Variants in PIEZO2 observed in about 807,000 individuals in gnomAD.
PIEZO2 encodes the protein piezo type mechanosensitive ion channel component 2.
Under a neutral mutation model 337.3 loss-of-function variants are expected in PIEZO2, and 172 were observed. The observed-to-expected ratio is 0.51, with a 90% confidence interval of 0.45 to 0.58. The LOEUF is 0.58. Ranked by LOEUF, PIEZO2 falls within the 20% of genes least tolerant of loss-of-function variation. The probability of loss-of-function intolerance (pLI) is 0.00; values close to 1 mark genes in which losing one functional copy is unlikely to be tolerated. For missense variants in PIEZO2, 3,028 were observed against 3,391.3 expected (o/e 0.89, Z 2.66); for synonymous variants, 1,251 against 1,228.5 (o/e 1.02, Z -0.38).
At chr18:10,699,615 T>C (rs1178784823) in intron 43 of PIEZO2, among the ~76,000 whole-genome samples, 1 of 152,214 alleles carries the variant, frequency 6.6e-6, no homozygotes, top group African/African-American at 2.4e-5. Flanking sequence ...CAGGTATGTC[T>C]TTATCAGCAG....
chr18:10,874,265 G>C (rs1430065234), intron 4 of PIEZO2, among the ~76,000 whole-genome samples: 1 of 151,894 alleles, frequency 6.6e-6, no homozygotes, highest in Non-Finnish European at 1.5e-5. Flanking sequence ...ACCACAACGA[G>C]TTATCCTCTC....
chr18:10,808,907 C>CG (rs1316339938), intron 7 of PIEZO2, among the ~76,000 whole-genome samples: 6 of 152,218 alleles, frequency 3.9e-5, no homozygotes, highest in African/African-American at 1.2e-4. Context: ...CCTTGCTCCA[C>CG]GCCTGGCACA....
At position 11,002,701 on chromosome 18, in the gene PIEZO2, C is replaced by T. The variant is rs1227565875; in HGVS notation, c.161-23041G>A. ...GTTTTACTGGCGGCGGCGGGGAACA[C>T]ATTCAGGCAGAGATGTGTTAGTTCA... is the stretch of plus-strand genomic sequence containing the variant. On this transcript the variant is annotated intron_variant, in intron 2 of 55. Coordinates refer to ENST00000674853, the MANE Select transcript of PIEZO2 (RefSeq NM_001378183.1). The surrounding 1 kb of genome is among the most constrained non-coding windows in gnomAD (Gnocchi z 4.3). Among the ~76,000 whole-genome samples, 1 of 152,194 alleles carries T rather than the reference C, an allele frequency of 6.6e-6. No individual in the cohort carries two copies. Among genetic ancestry groups the T allele is most frequent in the African/African-American group, 2.4e-5 (1 of 41,456 alleles).
rs544885565 is a variant in PIEZO2, at chr18:11,020,300, T to C, written c.161-40640A>G. 2.6e-5 allele frequency among the ~76,000 whole-genome samples: 4 copies of C among 152,316 alleles called. No homozygotes were observed. The East Asian group carries it at 7.7e-4, about 29-fold the overall frequency. On this transcript the variant is annotated intron_variant, in intron 2 of 55. Transcript: ENST00000674853. ...GTCCATTAACATCTCAGAATCACTA[T>C]CCTAGCTCAAAGCCTCTGATGCTCT...
chr18:10,711,845 G>C (rs2035832969), intron 39 of PIEZO2, among the ~76,000 whole-genome samples: 1 of 152,302 alleles, frequency 6.6e-6, no homozygotes, highest in African/African-American at 2.4e-5. Context: ...CACTAGAGCT[G>C]TCTGAGCCTT....
chr18:10,892,680 C>A lies in PIEZO2; in HGVS notation c.329+18506G>T, dbSNP rs926165278. 2.0e-5 allele frequency among the ~76,000 whole-genome samples: 3 copies of A among 150,220 alleles called. No homozygotes were observed. In the Admixed American group the frequency reaches 2.0e-4, roughly 10 times the overall value. On this transcript the variant is annotated intron_variant, in intron 4 of 55. Transcript: ENST00000674853. ...GGAGAGAGAAAGATGGGGAGAGGGG[C>A]GGGGGTGAGGGAAGCACAGAAGCAA...
Position 10,872,017 on chromosome 18 carries a change from CTTCTCACAGCCATCTGT to C in PIEZO2, c.330-619_330-603del, listed in dbSNP as rs1458285710. Among the ~76,000 whole-genome samples, 1 of 152,198 alleles carries C rather than the reference CTTCTCACAGCCATCTGT, an allele frequency of 6.6e-6. No homozygotes were observed. The highest frequency in any genetic ancestry group is 1.5e-5 in the Non-Finnish European group (1 of 68,036). On this transcript the variant is annotated intron_variant, in intron 4 of 55. Transcript: ENST00000674853. The surrounding 1 kb of genome is among the most constrained non-coding windows in gnomAD (Gnocchi z 4.3). ...CTTAGTAGTTGCATCCTGCTGGGGG[CTTCTCACAGCCATCTGT>C]TCTGCTGTGCTGAGGAAGTAATACT...
intron 2 of PIEZO2, among the ~76,000 whole-genome samples, chr18:11,054,897 C>T (rs1339888271): frequency 6.6e-6 from 1 of 152,112 alleles, no homozygotes; most frequent in Non-Finnish European, 1.5e-5. Flanking sequence ...AGGGCAGAAG[C>T]ACTGGGGACT....
intron 1 of PIEZO2, among the ~76,000 whole-genome samples, chr18:11,140,360 T>A (rs1391570552): frequency 6.6e-6 from 1 of 152,216 alleles, no homozygotes; most frequent in Non-Finnish European, 1.5e-5. Flanking sequence ...TTTTGGTGCC[T>A]GTTTCCGCCA....
intron 3 of PIEZO2, among the ~76,000 whole-genome samples, chr18:10,917,774 CA>C (rs566461610): frequency 6.6e-6 from 1 of 152,252 alleles, no homozygotes; most frequent in African/African-American, 2.4e-5. Flanking sequence ...GAAATATTTT[CA>C]CATACTGTAG....
chr18:11,023,714 G>T (rs1192831669), intron 2 of PIEZO2, among the ~76,000 whole-genome samples: 2 of 152,214 alleles, frequency 1.3e-5, no homozygotes, highest in African/African-American at 4.8e-5. Context: ...GCTCGTCCGG[G>T]AGGCTAGGGC....
At chr18:11,108,423 G>T (rs1035829287) in intron 1 of PIEZO2, among the ~76,000 whole-genome samples, 5 of 151,198 alleles carry the variant, frequency 3.3e-5, no homozygotes, top group Non-Finnish European at 5.9e-5. Context: ...AGACCATCCT[G>T]GCTAACACGG....
rs567774277 is a variant in PIEZO2 at position 11,070,289 on chromosome 18, G to A, written c.65-4067C>T. 4.9e-4 allele frequency among the ~76,000 whole-genome samples: 75 copies of A among 152,188 alleles called. No individual in the cohort carries two copies. The highest frequency in any genetic ancestry group is 1.7e-3 in the African/African-American group (71 of 41,510). On this transcript the variant is annotated intron_variant, in intron 1 of 55. Transcript: ENST00000674853. The surrounding 1 kb of genome is among the most constrained non-coding windows in gnomAD (Gnocchi z 4.3). ...TACAGAAAAAGTACAGTAAAAATAC[G>A]GCACTATAATCTTAGGGGACCAACC...
Position 10,670,719 on chromosome 18 carries a change from G to C in PIEZO2, c.*808C>G, listed in dbSNP as rs1366182556. 2.6e-5 allele frequency: 4 copies of C among 152,690 alleles called. No individual in the cohort carries two copies. The highest frequency in any genetic ancestry group is 3.4e-3 in the Middle Eastern group (1 of 294). 9.5% of individuals were successfully genotyped at this position (152,690 alleles called of 1,614,324 possible). A position where few individuals can be genotyped will look rare whatever the true frequency, so the allele number is the denominator to read the frequency against. On this transcript the variant is annotated 3_prime_UTR_variant, in exon 56 of 56. Coordinates refer to ENST00000674853, the MANE Select transcript of PIEZO2 (RefSeq NM_001378183.1). The stretch of plus-strand genomic sequence containing the variant: ...TTACAAAGTATTCTAGGTCCCACTG[G>C]GTTGGTCTTTTTACTCTTCTGCCTC...
chr18:10,982,021 C>T lies in PIEZO2; in HGVS notation c.161-2361G>A, dbSNP rs2034685405. ...CTCCAAGCCCACAATCCAAATACCT[C>T]CCATCAGGCCCCACCTTTAGCATTG... On this transcript the variant is annotated intron_variant, in intron 2 of 55. Coordinates refer to ENST00000674853, the MANE Select transcript of PIEZO2 (RefSeq NM_001378183.1). This position sits in a 1 kb window ranked among gnomAD's most constrained non-coding sequence, Gnocchi z 4.1. Among the ~76,000 whole-genome samples, 1 of 152,172 alleles carries T rather than the reference C, an allele frequency of 6.6e-6. No individual in the cohort carries two copies. Among genetic ancestry groups the T allele is most frequent in the Non-Finnish European group, 1.5e-5 (1 of 68,038 alleles).
intron 4 of PIEZO2, among the ~76,000 whole-genome samples, chr18:10,900,046 A>C (rs907148767): frequency 6.6e-6 from 1 of 152,216 alleles, no homozygotes; most frequent in African/African-American, 2.4e-5. Context: ...AGAAAAATAG[A>C]TATTTTCACC....
chr18:10,703,870 A>G (rs1306721783), intron 42 of PIEZO2, among the ~76,000 whole-genome samples: 1 of 152,090 alleles, frequency 6.6e-6, no homozygotes, highest in African/African-American at 2.4e-5. Flanking sequence ...GTTGCGACGT[A>G]TGGAACTTTA....
At chr18:11,071,317 C>T (rs1412358865) in intron 1 of PIEZO2, among the ~76,000 whole-genome samples, 1 of 152,192 alleles carries the variant, frequency 6.6e-6, no homozygotes, top group Non-Finnish European at 1.5e-5. Flanking sequence ...TTTTTCTCTC[C>T]TGCTTATTTC....
At chr18:10,934,223 T>C (rs775296511) in intron 3 of PIEZO2, among the ~76,000 whole-genome samples, 6 of 152,242 alleles carry the variant, frequency 3.9e-5, no homozygotes, top group Non-Finnish European at 8.8e-5. Flanking sequence ...AAACTTGTCA[T>C]GTTCTAAAAA....
Sources: allele counts gnomAD v4.1 joint callset (sites outside exome capture counted in the v4.1 genomes callset), GRCh38; gene constraint gnomAD v4.1.1; non-coding constraint Gnocchi (gnomAD v3.1); transcripts MANE v1.5; gene names NCBI Gene and HGNC (gene_info 2026-07-23, HGNC 2026-07-21).